Variants in EGFLAM observed in about 807,000 individuals in gnomAD.
EGFLAM encodes pikachurin.
A neutral mutation model predicts 113.1 loss-of-function variants in EGFLAM; 79 were observed. That is an observed-to-expected ratio of 0.70 (90% CI 0.58 to 0.84). EGFLAM has a LOEUF of 0.84. EGFLAM is among the 40% of genes least tolerant of loss of function. The pLI is 0.00. For missense variants in EGFLAM, 1,265 were observed against 1,291.6 expected (o/e 0.98, Z 0.32); for synonymous variants, 504 against 487.6 (o/e 1.03, Z -0.44).
At chr5:38,417,355 A>AAAC (rs1554013046) in intron 11 of EGFLAM, among the ~76,000 whole-genome samples, 3,322 of 145,108 alleles carry the variant, frequency 0.023, 88 homozygotes, top group Middle Eastern at 0.04. Context: ...CTCAAAAAAA[A>AAAC]AAAAAAAAAA....
At chr5:38,446,006 A>G (rs1742698080) in intron 17 of EGFLAM, among the ~76,000 whole-genome samples, 1 of 152,118 alleles carries the variant, frequency 6.6e-6, no homozygotes, top group Admixed American at 6.5e-5. Context: ...GCCCACCGCC[A>G]CGGGCCAACA....
intron 1 of EGFLAM, among the ~76,000 whole-genome samples, chr5:38,280,436 A>G (rs893581628): frequency 6.6e-6 from 1 of 152,202 alleles, no homozygotes; most frequent in Non-Finnish European, 1.5e-5. Flanking sequence ...GGTTTAGCCA[A>G]TGGGAGGCAC....
intron 6 of EGFLAM, among the ~76,000 whole-genome samples, chr5:38,382,309 A>C (rs1296729521): frequency 2.0e-5 from 3 of 152,256 alleles, no homozygotes; most frequent in Admixed American, 6.5e-5. Context: ...AATGCAAATG[A>C]ATGTAGGTAT....
intron 5 of EGFLAM, among the ~76,000 whole-genome samples, chr5:38,354,181 C>T (rs1403031306): frequency 1.3e-5 from 2 of 151,926 alleles, no homozygotes; most frequent in Admixed American, 6.6e-5. Context: ...AGCCCCAGAA[C>T]AATGCTTTGC....
At chr5:38,376,209 T>A (rs919792481) in intron 6 of EGFLAM, among the ~76,000 whole-genome samples, 9 of 152,188 alleles carry the variant, frequency 5.9e-5, no homozygotes, top group Non-Finnish European at 1.0e-4. Context: ...TGAAGCTTAA[T>A]GAGTACATTC....
At chr5:38,440,328 G>C (rs1031367439) in intron 17 of EGFLAM, among the ~76,000 whole-genome samples, 13 of 152,132 alleles carry the variant, frequency 8.5e-5, no homozygotes, top group African/African-American at 3.1e-4. Context: ...TCCTGGGAAG[G>C]TTCATATATC....
rs191196929 is a variant in EGFLAM at position 38,395,461 on chromosome 5, G to A, written c.713-10665G>A. Among the ~76,000 whole-genome samples, 11 of 152,066 alleles carry A rather than the reference G, an allele frequency of 7.2e-5. No homozygotes were observed. The East Asian group carries it at 1.9e-3, about 27-fold the overall frequency. On this transcript the variant is annotated intron_variant, in intron 6 of 21. Coordinates refer to ENST00000322350, the MANE Select transcript of EGFLAM (RefSeq NM_152403.4). ...AGACAGGGTCTTACCATCTTGCCCA[G>A]GCTAGATATAGGATTTTGTCTGGAC...
At chr5:38,298,768 ATGGCTCACTGTAGTGTCAACCTCC>A (rs1204528925) in intron 1 of EGFLAM, among the ~76,000 whole-genome samples, 1 of 151,854 alleles carries the variant, frequency 6.6e-6, no homozygotes, top group Non-Finnish European at 1.5e-5. Flanking sequence ...TGGTGTAATC[ATGGCTCACTGTAGTGTCAACCTCC>A]TGGGCTCAGG....
chr5:38,408,482 A>G (rs767349536), intron 9 of EGFLAM, among the ~76,000 whole-genome samples: 2 of 152,180 alleles, frequency 1.3e-5, no homozygotes, highest in Non-Finnish European at 2.9e-5. Context: ...GTCTCATTTG[A>G]AGTCATGGCC....
chr5:38,367,006 C>T (rs1740077447), intron 5 of EGFLAM, among the ~76,000 whole-genome samples: 1 of 152,160 alleles, frequency 6.6e-6, no homozygotes. Context: ...ATTCTCTATT[C>T]CCCACCTGAA....
intron 6 of EGFLAM, among the ~76,000 whole-genome samples, chr5:38,381,456 T>C (rs1435818403): frequency 6.6e-6 from 1 of 152,270 alleles, no homozygotes; most frequent in East Asian, 1.9e-4. Context: ...CAAATATAAA[T>C]GAGAAGCAAC....
At chr5:38,404,645 TC>T (rs1047319161) in intron 6 of EGFLAM, among the ~76,000 whole-genome samples, 1 of 152,230 alleles carries the variant, frequency 6.6e-6, no homozygotes, top group African/African-American at 2.4e-5. Flanking sequence ...ATGTTATTTT[TC>T]CTTTTTCTTT....
chr5:38,280,788 T>C (rs538809183), intron 1 of EGFLAM, among the ~76,000 whole-genome samples: 15 of 152,350 alleles, frequency 9.8e-5, no homozygotes, highest in South Asian at 2.1e-4. Flanking sequence ...GGGATCCTAA[T>C]TGATACCTTT....
At chr5:38,298,732 A>G (rs986618989) in intron 1 of EGFLAM, among the ~76,000 whole-genome samples, 4 of 151,978 alleles carry the variant, frequency 2.6e-5, no homozygotes, top group Admixed American at 2.0e-4. Context: ...ACAGGGTCTC[A>G]CTCTATCACC....
chr5:38,324,840 G>GA (rs1338479989), intron 1 of EGFLAM, among the ~76,000 whole-genome samples: 1 of 152,172 alleles, frequency 6.6e-6, no homozygotes, highest in Non-Finnish European at 1.5e-5. Flanking sequence ...AAGCTTCCCT[G>GA]AAGAAGAGAG....
chr5:38,451,940 T>G (rs2112266745), intron 19 of EGFLAM, among the ~76,000 whole-genome samples: 1 of 133,468 alleles, frequency 7.5e-6, no homozygotes, highest in Non-Finnish European at 1.5e-5. Context: ...TGCAGTGAGC[T>G]GAGATCGCGC....
intron 1 of EGFLAM, among the ~76,000 whole-genome samples, chr5:38,304,063 A>C (rs1758663897): frequency 2.0e-5 from 3 of 152,166 alleles, no homozygotes. Context: ...TGGGAGGCGA[A>C]GGTTGTAGTG....
rs563206731 is a variant in EGFLAM, at chr5:38,308,663, AG to A, written c.98-28855del. On this transcript the variant is annotated intron_variant, in intron 1 of 21. Coordinates refer to ENST00000322350, the MANE Select transcript of EGFLAM (RefSeq NM_152403.4). Reference sequence around the variant, plus strand: ...GAACTAGAATAGATGCTCAAAAAAAAGGTAGCAATAAGGAAGATGAGGATGA... The same window carrying A: ...GAACTAGAATAGATGCTCAAAAAAAAGTAGCAATAAGGAAGATGAGGATGA... Among the ~76,000 whole-genome samples, 628 of 152,350 alleles carry A rather than the reference AG, an allele frequency of 4.1e-3. 5 individuals are homozygous for A. Among genetic ancestry groups the A allele is most frequent in the Middle Eastern group, 0.017 (5 of 294 alleles).
At chr5:38,451,278 G>T in intron 18 of EGFLAM, 37 bp from the exon 19 acceptor site, 1 of 1,600,266 alleles carries the variant, frequency 6.2e-7, no homozygotes, top group Non-Finnish European at 8.5e-7. Flanking sequence ...AGATGTTGGT[G>T]GTTGATTTGG....
Sources: gnomAD v4.1 joint callset for allele counts (sites outside exome capture counted in the v4.1 genomes callset) on GRCh38, gnomAD v4.1.1 for gene constraint, MANE v1.5 for transcripts, NCBI Gene and HGNC (gene_info 2026-07-23, HGNC 2026-07-21) for gene names.